The following PLEKHA6 variants were observed in gnomAD, a reference collection of about 807,000 sequenced individuals.
PLEKHA6 encodes the protein pleckstrin homology domain-containing family A member 6.
A neutral mutation model predicts 116.7 loss-of-function variants in PLEKHA6; 60 were observed. That is an observed-to-expected ratio of 0.51 (90% confidence interval 0.42 to 0.64). PLEKHA6 has a LOEUF of 0.64. PLEKHA6 is among the 30% of genes least tolerant of loss of function. The pLI, the probability that PLEKHA6 is intolerant of heterozygous loss-of-function variation, is 0.00. For missense variants in PLEKHA6, 1,338 were observed against 1,422.7 expected (o/e 0.94, Z 0.96); for synonymous variants, 489 against 556.1 (o/e 0.88, Z 1.70).
At chr1:204,226,853 C>G (rs1054871606) in intron 21 of PLEKHA6, among the ~76,000 whole-genome samples, 1 of 152,212 alleles carries the variant, frequency 6.6e-6, no homozygotes, top group African/African-American at 2.4e-5. Flanking sequence ...ATTTCTACTT[C>G]ATCTATTGCT....
At chr1:204,375,451 G>C (rs1673851686) in intron 1 of PLEKHA6, among the ~76,000 whole-genome samples, 3 of 152,012 alleles carry the variant, frequency 2.0e-5, no homozygotes, top group African/African-American at 7.3e-5. Flanking sequence ...TCAAGCATTA[G>C]AAGAATATTC....
At chr1:204,326,564 AAAAGCCTGGTTAATTAATTCAC>A (rs1364706813) in intron 1 of PLEKHA6, among the ~76,000 whole-genome samples, 2 of 152,222 alleles carry the variant, frequency 1.3e-5, no homozygotes, top group African/African-American at 4.8e-5. Flanking sequence ...GAAGAGAACC[AAAAGCCTGGTTAATTAATTCAC>A]AAAGCAGTGC....
intron 1 of PLEKHA6, among the ~76,000 whole-genome samples, chr1:204,306,355 A>G (rs1238954420): frequency 6.6e-6 from 1 of 152,006 alleles, no homozygotes; most frequent in Non-Finnish European, 1.5e-5. Flanking sequence ...ACCAAGAAAC[A>G]CCACACAAAC....
At chr1:204,346,671 C>T (rs958145692) in intron 1 of PLEKHA6, 1 of 690,400 alleles carries the variant, frequency 1.4e-6, no homozygotes, top group Non-Finnish European at 2.6e-6. Flanking sequence ...TGACCCATCA[C>T]CTCAGAAACA....
At chr1:204,306,200 G>A (rs1410438567) in intron 1 of PLEKHA6, among the ~76,000 whole-genome samples, 16 of 152,082 alleles carry the variant, frequency 1.1e-4, no homozygotes, top group African/African-American at 3.6e-4. Context: ...GTCCCATTGA[G>A]TCTGGGCCAC....
intron 1 of PLEKHA6, among the ~76,000 whole-genome samples, chr1:204,342,245 G>A (rs1242835828): frequency 6.6e-6 from 1 of 152,198 alleles, no homozygotes; most frequent in African/African-American, 2.4e-5. Context: ...AGTGGTGCAC[G>A]CTTGTAGTCC....
chr1:204,336,576 G>GTA (rs1253873603), intron 1 of PLEKHA6, among the ~76,000 whole-genome samples: 3 of 152,152 alleles, frequency 2.0e-5, no homozygotes, highest in Non-Finnish European at 4.4e-5. Context: ...GTGTGTGTGT[G>GTA]TGTGTGTGTG....
At chr1:204,372,333 G>A (rs1208797439) in intron 1 of PLEKHA6, among the ~76,000 whole-genome samples, 1 of 151,988 alleles carries the variant, frequency 6.6e-6, no homozygotes, top group Non-Finnish European at 1.5e-5. Context: ...CAGACCCTCT[G>A]GGCTCTAGAT....
chr1:204,313,355 T>C (rs1036514144), intron 1 of PLEKHA6, among the ~76,000 whole-genome samples: 6 of 152,060 alleles, frequency 3.9e-5, no homozygotes, highest in Non-Finnish European at 8.8e-5. Flanking sequence ...TCAACCTAAC[T>C]TACAGGGTGC....
chr1:204,288,389 G>A (rs377399203), intron 1 of PLEKHA6, among the ~76,000 whole-genome samples: 32 of 152,212 alleles, frequency 2.1e-4, no homozygotes, highest in African/African-American at 7.0e-4. Flanking sequence ...TGTGGAGAAG[G>A]AGAGCCCTCT....
intron 3 of PLEKHA6, among the ~76,000 whole-genome samples, chr1:204,273,028 C>T (rs1667633616): frequency 6.6e-6 from 1 of 152,180 alleles, no homozygotes; most frequent in Admixed American, 6.5e-5. Context: ...CTGCCCTTGT[C>T]AGGGTCCCCT....
At chr1:204,339,628 G>T (rs150989364) in intron 1 of PLEKHA6, among the ~76,000 whole-genome samples, 1 of 152,106 alleles carries the variant, frequency 6.6e-6, no homozygotes, top group Non-Finnish European at 1.5e-5. Context: ...AACCCCCAGG[G>T]AAATAACTAG....
At chr1:204,336,563 C>A (rs903061080) in intron 1 of PLEKHA6, among the ~76,000 whole-genome samples, 3 of 148,924 alleles carry the variant, frequency 2.0e-5, no homozygotes. Flanking sequence ...GGTGTGTGAG[C>A]GTGTGTGTGT....
At chr1:204,229,252 T>G in intron 18 of PLEKHA6, 148 bp from the exon 19 acceptor site, 1 of 757,102 alleles carries the variant, frequency 1.3e-6, no homozygotes, top group Non-Finnish European at 2.1e-6. Flanking sequence ...AGAACTATCT[T>G]CCTTCCTTTC....
intron 17 of PLEKHA6, among the ~76,000 whole-genome samples, chr1:204,232,692 A>G (rs903286013): frequency 1.2e-4 from 19 of 152,248 alleles, no homozygotes; most frequent in African/African-American, 3.9e-4. Flanking sequence ...CTACAAACAC[A>G]TGCTAACCTT....
At chr1:204,339,770 T>C (rs1248353775) in intron 1 of PLEKHA6, among the ~76,000 whole-genome samples, 3 of 152,380 alleles carry the variant, frequency 2.0e-5, no homozygotes, top group East Asian at 3.9e-4. Context: ...GAATTACTTA[T>C]AGCTATTTAA....
At chr1:204,297,007 A>G in intron 1 of PLEKHA6, 2 of 511,270 alleles carry the variant, frequency 3.9e-6, no homozygotes, top group Non-Finnish European at 5.0e-6. Flanking sequence ...GAACATGGCT[A>G]TTACCACCAT....
At chr1:204,269,178 C>T (rs1451202047) in intron 3 of PLEKHA6, among the ~76,000 whole-genome samples, 1 of 151,496 alleles carries the variant, frequency 6.6e-6, no homozygotes, top group East Asian at 2.0e-4. Context: ...GGCTTTCTCA[C>T]TCCATTAACT....
intron 1 of PLEKHA6, among the ~76,000 whole-genome samples, chr1:204,337,386 G>C (rs1388436999): frequency 6.6e-6 from 1 of 152,148 alleles, no homozygotes; most frequent in East Asian, 1.9e-4. Flanking sequence ...CCCAGTAGCT[G>C]CTACCTTCTT....
Sources: allele counts gnomAD v4.1 joint callset (sites outside exome capture counted in the v4.1 genomes callset), GRCh38; gene constraint gnomAD v4.1.1; transcripts MANE v1.5; gene names NCBI Gene and HGNC (gene_info 2026-07-23, HGNC 2026-07-21).